Variants in GRIK2 observed in about 807,000 individuals in gnomAD.
The protein encoded by GRIK2 is glutamate ionotropic receptor kainate type subunit 2, also known as glutamate receptor ionotropic, kainate 2.
A neutral mutation model predicts 100.3 loss-of-function variants in GRIK2; 32 were observed. That is an observed-to-expected ratio of 0.32 (90% CI 0.24 to 0.43). The LOEUF (loss-of-function observed/expected upper bound fraction) is 0.43, where lower values mean the gene tolerates loss of function less well. GRIK2 is among the 20% of genes least tolerant of loss of function. GRIK2 has a pLI of 1.00. For synonymous variants in GRIK2, 417 were observed against 389.4 expected (o/e 1.07, Z -0.83); for missense variants, 843 against 1,114.9 (o/e 0.76, Z 3.47).
chr6:101,953,726 C>T (rs904109082), intron 14 of GRIK2, among the ~76,000 whole-genome samples: 5 of 152,052 alleles, frequency 3.3e-5, no homozygotes, highest in South Asian at 2.1e-4. Context: ...CTTTGTTCAT[C>T]GTGTCCTTTG....
At chr6:101,720,615 T>G (rs1226756335) in intron 7 of GRIK2, among the ~76,000 whole-genome samples, 2 of 152,042 alleles carry the variant, frequency 1.3e-5, no homozygotes, top group Admixed American at 6.6e-5. Context: ...ACATCTATTT[T>G]TATGTACTTT....
At chr6:101,532,363 A>G (rs1049132330) in intron 2 of GRIK2, among the ~76,000 whole-genome samples, 8 of 151,934 alleles carry the variant, frequency 5.3e-5, no homozygotes, top group African/African-American at 1.9e-4. Context: ...ACCTTTTGCC[A>G]TGTGTTGTTT....
chr6:101,830,056 A>G (rs1245431881), intron 10 of GRIK2, among the ~76,000 whole-genome samples: 1 of 152,156 alleles, frequency 6.6e-6, no homozygotes, highest in Non-Finnish European at 1.5e-5. Flanking sequence ...CCAAAACAGC[A>G]TGGGATTGGT....
chr6:101,955,617 C>CTCTCT lies in GRIK2; in HGVS notation c.2085+26985_2085+26986insTCTCT, dbSNP rs1376723314. ...CTCTCTCTCTCTCTCTCTCTCTCTC[C>CTCTCT]CCCCCATTTCTTTTACAGTCAGATT... On this transcript the variant is annotated intron_variant, in intron 14 of 16. Transcript: ENST00000369134. 9.9e-4 allele frequency among the ~76,000 whole-genome samples: 115 copies of CTCTCT among 116,420 alleles called. 2 individuals are homozygous for CTCTCT. Among genetic ancestry groups the CTCTCT allele is most frequent in the African/African-American group, 2.5e-3 (66 of 26,540 alleles). 76.4% of individuals were successfully genotyped at this position (116,420 alleles called of 152,430 possible). A position where few individuals can be genotyped will look rare whatever the true frequency, so the allele number is the denominator to read the frequency against.
At chr6:101,799,160 G>A (rs1206112060) in intron 7 of GRIK2, among the ~76,000 whole-genome samples, 1 of 151,916 alleles carries the variant, frequency 6.6e-6, no homozygotes, top group African/African-American at 2.4e-5. Context: ...AGAATTTAAG[G>A]TTTTAAGTAA....
At chr6:101,438,697 A>G (rs1201401458) in intron 2 of GRIK2, among the ~76,000 whole-genome samples, 2 of 152,120 alleles carry the variant, frequency 1.3e-5, no homozygotes, top group Non-Finnish European at 2.9e-5. Flanking sequence ...TATATAAGGT[A>G]AGATTTCAAA....
At chr6:101,811,114 C>T (rs1299638266) in intron 9 of GRIK2, among the ~76,000 whole-genome samples, 1 of 151,976 alleles carries the variant, frequency 6.6e-6, no homozygotes, top group East Asian at 1.9e-4. Flanking sequence ...GAAAACTATA[C>T]TTTGTAGGTC....
In GRIK2 at chr6:101,859,342, G is replaced by T. The variant is rs760579947; in HGVS notation, c.1373G>T (p.Arg458Leu). ...GACAAACCTCTCTATGGTAATGATCGATTTGAAGGCTATTGCATTGATCTC... is the reference window on the plus strand; with the variant it reads ...GACAAACCTCTCTATGGTAATGATCTATTTGAAGGCTATTGCATTGATCTC... ...KSDKPLYGNDRFEGYCIDLLR... is the reference protein window; with the variant it reads ...KSDKPLYGNDLFEGYCIDLLR... Residue 458 changes from arginine to leucine, a missense_variant, in exon 11 of 17, where the codon CGA (arginine) becomes CTA (leucine). By Grantham distance (102) the Arg-to-Leu change is moderately radical. This residue lies in a region of GRIK2 where 519 missense variants were observed against 643.8 expected (regional missense o/e 0.81). Transcript: ENST00000369134. 2 of 1,605,300 alleles carry T rather than the reference G, an allele frequency of 1.2e-6. No individual in the cohort carries two copies. Among genetic ancestry groups the T allele is most frequent in the Non-Finnish European group, 1.7e-6 (2 of 1,172,316 alleles).
At chr6:102,041,534 C>T (rs887091115) in intron 15 of GRIK2, among the ~76,000 whole-genome samples, 1 of 151,480 alleles carries the variant, frequency 6.6e-6, no homozygotes. Context: ...CAGACATATT[C>T]ATAGCATGTT....
At chr6:101,515,549 C>T (rs986160189) in intron 2 of GRIK2, among the ~76,000 whole-genome samples, 1 of 152,062 alleles carries the variant, frequency 6.6e-6, no homozygotes, top group Admixed American at 6.6e-5. Context: ...TAGAAGTGTT[C>T]CCTGTTTACC....
chr6:101,763,528 T>G (rs1476081581), intron 7 of GRIK2, among the ~76,000 whole-genome samples: 1 of 152,206 alleles, frequency 6.6e-6, no homozygotes, highest in Non-Finnish European at 1.5e-5. Flanking sequence ...TATTAGCCAA[T>G]CAAAATCATC....
At chr6:101,895,885 C>G (rs1240157708) in intron 12 of GRIK2, among the ~76,000 whole-genome samples, 1 of 151,432 alleles carries the variant, frequency 6.6e-6, no homozygotes, top group Non-Finnish European at 1.5e-5. Context: ...ACGTGCTGTT[C>G]TGCTAATATG....
intron 2 of GRIK2, among the ~76,000 whole-genome samples, chr6:101,521,211 T>G (rs1036897118): frequency 3.3e-5 from 5 of 152,042 alleles, no homozygotes; most frequent in African/African-American, 1.2e-4. Flanking sequence ...ACCTGGAATT[T>G]CCACATTTAT....
At chr6:102,034,352 C>T (rs183375547) in intron 14 of GRIK2, among the ~76,000 whole-genome samples, 82 of 151,422 alleles carry the variant, frequency 5.4e-4, no homozygotes, top group Non-Finnish European at 9.3e-4. Context: ...AATAAAAGCA[C>T]ACTTAAACTG....
At chr6:101,835,540 G>A (rs1384303035) in intron 10 of GRIK2, among the ~76,000 whole-genome samples, 3 of 139,318 alleles carry the variant, frequency 2.2e-5, no homozygotes, top group Admixed American at 8.0e-5. Flanking sequence ...GCATGACCTC[G>A]GCTCACTGCA....
chr6:101,786,810 G>T (rs952988935), intron 7 of GRIK2, among the ~76,000 whole-genome samples: 1 of 152,028 alleles, frequency 6.6e-6, no homozygotes, highest in Non-Finnish European at 1.5e-5. Flanking sequence ...TCTGCTTTTG[G>T]TATCATAATA....
rs1781762586 is a variant in GRIK2 at position 101,818,392 on chromosome 6, G to C, written c.1226G>C (p.Ser409Thr). 3.1e-6 allele frequency: 5 copies of C among 1,605,960 alleles called. No individual in the cohort carries two copies. In the South Asian group the frequency reaches 3.3e-5, roughly 11 times the overall value. ...TAGATTGGAACGTGGGATCCAGCCA[G>C]TGGCCTGAATATGACAGAAAGTCAA... ...LEKIGTWDPA[S>T]GLNMTESQKG... The change falls in exon 10 of 17, where the codon AGT becomes ACT. Residue 409 changes from serine to threonine, a missense_variant. Physicochemically the swap from Ser to Thr is moderately conservative, Grantham distance 58. Around this residue, in one of 3 missense-constraint regions of GRIK2, gnomAD observed 519 missense variants for 643.8 expected, o/e 0.81. Transcript: ENST00000369134.
chr6:101,406,452 T>C (rs1775597741), intron 2 of GRIK2, among the ~76,000 whole-genome samples: 3 of 152,180 alleles, frequency 2.0e-5, no homozygotes. Flanking sequence ...GTATGTCTTT[T>C]AGTTATTTTT....
At chr6:101,454,266 T>A (rs962337761) in intron 2 of GRIK2, among the ~76,000 whole-genome samples, 3 of 152,154 alleles carry the variant, frequency 2.0e-5, no homozygotes, top group African/African-American at 7.2e-5. Flanking sequence ...TTCAGAATGT[T>A]TAAATTCCAG....
Sources: gnomAD v4.1 joint callset for allele counts (sites outside exome capture counted in the v4.1 genomes callset) on GRCh38, gnomAD v4.1.1 for gene constraint, gnomAD v4.1.1 regional missense constraint, MANE v1.5 for transcripts, NCBI Gene and HGNC (gene_info 2026-07-23, HGNC 2026-07-21) for gene names.